HAS3: variants seen among roughly 807,000 people sequenced by gnomAD.
The protein encoded by HAS3 is hyaluronan synthase 3, also known as HA synthase 3.
In HAS3, 27 loss-of-function variants were observed where a neutral mutation model predicts 50.3. The observed-to-expected ratio is 0.54, with a 90% CI of 0.40 to 0.74. The LOEUF (loss-of-function observed/expected upper bound fraction) is 0.74, where lower values mean the gene tolerates loss of function less well. Among genes scored for constraint, HAS3 ranks in the 30% least tolerant of loss-of-function variants. HAS3 has a pLI of 0.00. For missense variants in HAS3, 517 were observed against 742.8 expected (o/e 0.70, Z 3.53); for synonymous variants, 339 against 310.9 (o/e 1.09, Z -0.95).
rs1034501434 is a variant in HAS3 at position 69,107,323 on chromosome 16, A to G, written c.-1+1536A>G. On this transcript the variant is annotated intron_variant, in intron 1 of 3. Coordinates refer to ENST00000569188, the MANE Select transcript of HAS3 (RefSeq NM_001199280.2). This position sits in a 1 kb window ranked among gnomAD's most constrained non-coding sequence, Gnocchi z 5.5. ...TTCCTGCGGGGGAGGGGTCCCGCCC[A>G]GGGAAGGAGAGGGCCGGCTACACCG... is the stretch of plus-strand genomic sequence containing the variant. The G allele has an allele frequency of 1.5e-5, 15 of 982,108 alleles. No homozygotes were observed. The highest frequency in any genetic ancestry group is 6.2e-5 in the Admixed American group (1 of 16,258). 60.8% of individuals were successfully genotyped at this position (982,108 alleles called of 1,614,324 possible). A position where few individuals can be genotyped will look rare whatever the true frequency, so the allele number is the denominator to read the frequency against.
At chr16:69,118,497 T>C (rs758301697), downstream of HAS3, 1 of 1,253,930 alleles carries the variant, frequency 8.0e-7, no homozygotes, top group Non-Finnish European at 1.2e-6. Flanking sequence ...GGACTACATG[T>C]GAACTGGGAC....
chr16:69,118,260 G>GAGAA, downstream of HAS3: 1 of 794,882 alleles, frequency 1.3e-6, no homozygotes, highest in East Asian at 2.6e-5. Context: ...TAAGTCCCAG[G>GAGAA]AGAAGGGAGC....
chr16:69,108,203 C>T (rs991599332), intron 1 of HAS3, among the ~76,000 whole-genome samples: 11 of 152,104 alleles, frequency 7.2e-5, no homozygotes, highest in Admixed American at 4.6e-4. Flanking sequence ...CCTCACATCC[C>T]CCTCCCCACC....
chr16:69,102,977 C>T (rs1960711814), upstream of HAS3, among the ~76,000 whole-genome samples: 1 of 151,288 alleles, frequency 6.6e-6, no homozygotes, highest in Non-Finnish European at 1.5e-5. Flanking sequence ...GACTCAGACA[C>T]ATTATGTCTG....
At position 69,106,072 on chromosome 16, in the gene HAS3, G is replaced by T. The variant is rs956298901; in HGVS notation, c.-1+285G>T. On this transcript the variant is annotated intron_variant, in intron 1 of 3. Coordinates refer to ENST00000569188, the MANE Select transcript of HAS3 (RefSeq NM_001199280.2). This position sits in a 1 kb window ranked among gnomAD's most constrained non-coding sequence, Gnocchi z 5.5. Reference sequence around the variant, plus strand: ...AGGCGTCCCCGCCGAGCGCTGGCTTGTGGCGCTCCCTGGGACCGCGCGGGG... The same window carrying T: ...AGGCGTCCCCGCCGAGCGCTGGCTTTTGGCGCTCCCTGGGACCGCGCGGGG... 1.3e-5 allele frequency among the ~76,000 whole-genome samples: 2 copies of T among 152,142 alleles called. No individual in the cohort carries two copies. Among genetic ancestry groups the T allele is most frequent in the Non-Finnish European group, 2.9e-5 (2 of 68,002 alleles).
chr16:69,109,943 T>G lies in HAS3; in HGVS notation c.548T>G (p.Phe183Cys), dbSNP rs1960941597. Residue 183 changes from phenylalanine to cysteine, a missense_variant, in exon 2 of 4, where the codon TTC becomes TGC. Coordinates refer to ENST00000569188, the MANE Select transcript of HAS3 (RefSeq NM_001199280.2). This position sits in a 1 kb window ranked among gnomAD's most constrained non-coding sequence, Gnocchi z 5.3. ...RVRDVVRAST[F>C]SCIMQKWGGK... Reference sequence around the variant, plus strand: ...CGGGATGTGGTGCGGGCCAGCACCTTCTCGTGCATCATGCAGAAGTGGGGA... The same window carrying G: ...CGGGATGTGGTGCGGGCCAGCACCTGCTCGTGCATCATGCAGAAGTGGGGA... 1.2e-6 allele frequency: 2 copies of G among 1,614,032 alleles called. No homozygotes were observed. The highest frequency in any genetic ancestry group is 1.7e-6 in the Non-Finnish European group (2 of 1,179,974).
the HAS3 span, among the ~76,000 whole-genome samples, chr16:69,087,771 T>C: frequency 3.3e-5 from 5 of 150,478 alleles, no homozygotes; most frequent in East Asian, 2.0e-4. Context: ...GGTGCGATCT[T>C]GGCTCACTGC....
chr16:69,112,751 G>C (rs572625468), intron 2 of HAS3, among the ~76,000 whole-genome samples: 30 of 152,354 alleles, frequency 2.0e-4, no homozygotes, highest in Non-Finnish European at 3.5e-4. Context: ...CCACCTGTTA[G>C]AATCAGGCCA....
upstream of HAS3, among the ~76,000 whole-genome samples, chr16:69,105,236 AATTATAATTTC>A (rs1960759977): frequency 6.6e-6 from 1 of 151,836 alleles, no homozygotes; most frequent in East Asian, 1.9e-4. Context: ...ACTAGTTATT[AATTATAATTTC>A]TCTTCAAGTT....
At chr16:69,094,280 G>A in the HAS3 span, among the ~76,000 whole-genome samples, 1 of 152,102 alleles carries the variant, frequency 6.6e-6, no homozygotes, top group African/African-American at 2.4e-5. Flanking sequence ...TAGCCACCTG[G>A]CGCTGGGGAG....
At position 69,106,260 on chromosome 16, in the gene HAS3, G is replaced by A. The variant is rs1960787925; in HGVS notation, c.-1+473G>A. On this transcript the variant is annotated intron_variant, in intron 1 of 3. Transcript: ENST00000569188. This position sits in a 1 kb window ranked among gnomAD's most constrained non-coding sequence, Gnocchi z 5.5. ...GGCGGCGCGGAGCGGAGCGGGAGGA[G>A]GGGCATGGAGCCGCCGCGGGCCTGC... 1 of 151,288 alleles carries A rather than the reference G, an allele frequency of 6.6e-6. No individual in the cohort carries two copies. The highest frequency in any genetic ancestry group is 1.5e-5 in the Non-Finnish European group (1 of 67,880). The allele number at this position is 151,288 out of a possible 1,614,324, so 9.4% of individuals were successfully genotyped here.
Position 69,113,492 on chromosome 16 carries a change from C to G in HAS3, c.688C>G (p.Arg230Gly). 2 of 1,613,658 alleles carry G rather than the reference C, an allele frequency of 1.2e-6. No homozygotes were observed. The highest frequency in any genetic ancestry group is 1.7e-6 in the Non-Finnish European group (2 of 1,179,736). ...TCCAGCCTGCACCATCGAGATGCTT[C>G]GAGTCCTGGAGGAGGATCCCCAAGT... Reference protein sequence around the residue: ...LDPACTIEMLRVLEEDPQVGG... With the variant: ...LDPACTIEMLGVLEEDPQVGG... Residue 230 changes from arginine (R) to glycine (G), a missense_variant, in exon 3 of 4, where the codon CGA becomes GGA. Arg to Gly is a moderately radical substitution (Grantham distance 125). Transcript: ENST00000569188.
chr16:69,104,635 A>C (rs948126070), upstream of HAS3, among the ~76,000 whole-genome samples: 1 of 152,026 alleles, frequency 6.6e-6, no homozygotes, highest in Non-Finnish European at 1.5e-5. Context: ...AGACGGGGGA[A>C]GTCTCGCTTT....
At chr16:69,096,299 G>A in the HAS3 span, among the ~76,000 whole-genome samples, 10 of 148,766 alleles carry the variant, frequency 6.7e-5, no homozygotes, top group Admixed American at 5.4e-4. Flanking sequence ...TTGGAGGTGA[G>A]GCAGGTGGAT....
At chr16:69,090,770 G>C in the HAS3 span, among the ~76,000 whole-genome samples, 1 of 152,084 alleles carries the variant, frequency 6.6e-6, no homozygotes, top group African/African-American at 2.4e-5. Context: ...ACAGGGTTTC[G>C]CCATGTTGCC....
the HAS3 span, among the ~76,000 whole-genome samples, chr16:69,085,611 CAG>C: frequency 1.4e-5 from 2 of 147,686 alleles, no homozygotes; most frequent in African/African-American, 2.5e-5. Context: ...TTTTTTGAGA[CAG>C]AGTCTCACTG....
At position 69,107,932 on chromosome 16, in the gene HAS3, G is replaced by A. The variant is rs928701516; in HGVS notation, c.1-1464G>A. ...ACGCTGCTGGAAGGCTGCTAGTGCC[G>A]GAGTCTCAGGTCGATTTAGGCAGTG... On this transcript the variant is annotated intron_variant, in intron 1 of 3. Coordinates refer to ENST00000569188, the MANE Select transcript of HAS3 (RefSeq NM_001199280.2). This position sits in a 1 kb window ranked among gnomAD's most constrained non-coding sequence, Gnocchi z 5.5. Among the ~76,000 whole-genome samples the A allele has an allele frequency of 2.6e-5, 4 of 152,228 alleles. No homozygotes were observed. Among genetic ancestry groups the A allele is most frequent in the African/African-American group, 9.6e-5 (4 of 41,466 alleles).
In HAS3 at chr16:69,107,650, C is replaced by G. The variant is rs1175192742; in HGVS notation, c.1-1746C>G. 5.1e-6 allele frequency: 5 copies of G among 985,640 alleles called. No individual in the cohort carries two copies. The highest frequency in any genetic ancestry group is 6.0e-6 in the Non-Finnish European group (5 of 830,074). 61.1% of individuals were successfully genotyped at this position (985,640 alleles called of 1,614,324 possible). ...TGGCCTTGGCGCCCCCTTCCCCTAC[C>G]CAGAGCGCAGGCAGGCAGGGGGGTC... On this transcript the variant is annotated intron_variant, in intron 1 of 3. Coordinates refer to ENST00000569188, the MANE Select transcript of HAS3 (RefSeq NM_001199280.2). The surrounding 1 kb of genome is among the most constrained non-coding windows in gnomAD (Gnocchi z 5.5).
chr16:69,118,297 CT>C, downstream of HAS3: 1 of 1,110,088 alleles, frequency 9.0e-7, no homozygotes, highest in Non-Finnish European at 1.4e-6. Context: ...CAAGCAGAAA[CT>C]GCATTCGGTG....
Sources: allele counts gnomAD v4.1 joint callset (sites outside exome capture counted in the v4.1 genomes callset), GRCh38; gene constraint gnomAD v4.1.1; non-coding constraint Gnocchi (gnomAD v3.1); transcripts MANE v1.5; gene names NCBI Gene and HGNC (gene_info 2026-07-23, HGNC 2026-07-21).